Variants in SLC6A11 observed in about 807,000 individuals in gnomAD.
SLC6A11 encodes sodium- and chloride-dependent GABA transporter 3.
Under a neutral mutation model 74.8 loss-of-function variants are expected in SLC6A11, and 25 were observed. That is an observed-to-expected ratio of 0.33 (90% CI 0.24 to 0.47). The LOEUF (loss-of-function observed/expected upper bound fraction) is 0.47, where lower values mean the gene tolerates loss of function less well. Ranked by LOEUF, SLC6A11 falls within the 20% of genes least tolerant of loss-of-function variation. The probability of loss-of-function intolerance (pLI) is 1.00; values close to 1 mark genes in which losing one functional copy is unlikely to be tolerated. For synonymous variants in SLC6A11, 330 were observed against 330.2 expected (o/e 1.00, Z 0.01); for missense variants, 574 against 837.0 (o/e 0.69, Z 3.88).
intron 8 of SLC6A11, among the ~76,000 whole-genome samples, chr3:10,922,150 GCAC>G (rs1695544416): frequency 6.6e-6 from 1 of 152,130 alleles, no homozygotes; most frequent in Non-Finnish European, 1.5e-5. Context: ...ATCAAACAGT[GCAC>G]TCAGTGCCTG....
At chr3:10,845,248 A>G (rs1694488738) in intron 5 of SLC6A11, among the ~76,000 whole-genome samples, 1 of 152,184 alleles carries the variant, frequency 6.6e-6, no homozygotes, top group South Asian at 2.1e-4. Flanking sequence ...ACACAGTGGC[A>G]TGTGTTTGAA....
chr3:10,896,990 T>C (rs1455363943), intron 6 of SLC6A11, among the ~76,000 whole-genome samples: 3 of 152,172 alleles, frequency 2.0e-5, no homozygotes, highest in Non-Finnish European at 4.4e-5. Context: ...TTCACAATCA[T>C]AGCAGAAGGT....
rs188970095 is a variant in SLC6A11 at position 10,835,999 on chromosome 3, A to G, written c.624-8215A>G. ...AGAACATTTATATCCTCTAAATAAG[A>G]GCTCTCTGCCCATTCACCATTAATC... On this transcript the variant is annotated intron_variant, in intron 4 of 13. Coordinates refer to ENST00000254488, the MANE Select transcript of SLC6A11 (RefSeq NM_014229.3). Among the ~76,000 whole-genome samples the G allele has an allele frequency of 1.6e-4, 25 of 152,350 alleles. No individual in the cohort carries two copies. The East Asian group carries it at 4.6e-3, about 28-fold the overall frequency.
intron 6 of SLC6A11, among the ~76,000 whole-genome samples, chr3:10,880,672 G>C (rs1345635657): frequency 5.3e-5 from 8 of 152,086 alleles, no homozygotes. Context: ...CTAGTCCCTT[G>C]GAGGATGAGG....
In SLC6A11 at chr3:10,937,527, G is replaced by C. The variant is rs181329806; in HGVS notation, c.1747-723G>C. Among the ~76,000 whole-genome samples, 149 of 152,338 alleles carry C rather than the reference G, an allele frequency of 9.8e-4. 10 individuals carry two copies. In the East Asian group the frequency reaches 0.019, roughly 19 times the overall value. On this transcript the variant is annotated intron_variant, in intron 13 of 13. Transcript: ENST00000254488. ...TCGGGAAATGGTTTATGCCCAGAAAGGGCCCCCCAGATCCCAGCCTGGAGT... is the reference window on the plus strand; with the variant it reads ...TCGGGAAATGGTTTATGCCCAGAAACGGCCCCCCAGATCCCAGCCTGGAGT...
At chr3:10,893,859 A>G (rs1695138538) in intron 6 of SLC6A11, among the ~76,000 whole-genome samples, 1 of 152,214 alleles carries the variant, frequency 6.6e-6, no homozygotes, top group Admixed American at 6.5e-5. Flanking sequence ...AGTTGTAGAC[A>G]TCAGTACACT....
rs548388762 is a variant in SLC6A11 at position 10,896,785 on chromosome 3, AAT to A, written c.892-15304_892-15303del. On this transcript the variant is annotated intron_variant, in intron 6 of 13. Coordinates refer to ENST00000254488, the MANE Select transcript of SLC6A11 (RefSeq NM_014229.3). Reference sequence around the variant, plus strand: ...CATGTGCTCTACAGGGTGCTCAGGAAATGGTGAGGGGGCATAGACCCACTAAC... The same window carrying A: ...CATGTGCTCTACAGGGTGCTCAGGAAGGTGAGGGGGCATAGACCCACTAAC... Among the ~76,000 whole-genome samples the A allele has an allele frequency of 6.0e-3, 920 of 152,338 alleles. 8 individuals are homozygous for A. Among genetic ancestry groups the A allele is most frequent in the African/African-American group, 0.02 (846 of 41,578 alleles).
chr3:10,884,948 C>T (rs1280668179), intron 6 of SLC6A11, among the ~76,000 whole-genome samples: 2 of 152,168 alleles, frequency 1.3e-5, no homozygotes, highest in African/African-American at 4.8e-5. Flanking sequence ...AGAGTATCTA[C>T]CAAGGTTGAG....
chr3:10,903,401 C>T (rs1695264569), intron 6 of SLC6A11, among the ~76,000 whole-genome samples: 1 of 152,202 alleles, frequency 6.6e-6, no homozygotes, highest in African/African-American at 2.4e-5. Context: ...AACTCACTGC[C>T]ACACTGAACT....
chr3:10,818,236 G>C (rs1013565432), intron 1 of SLC6A11, among the ~76,000 whole-genome samples: 1 of 150,954 alleles, frequency 6.6e-6, no homozygotes, highest in Non-Finnish European at 1.5e-5. Flanking sequence ...CAGGTCAAAA[G>C]GCTTTCTGAA....
intron 5 of SLC6A11, among the ~76,000 whole-genome samples, chr3:10,869,684 C>T (rs1372508309): frequency 1.3e-5 from 2 of 152,226 alleles, no homozygotes; most frequent in Admixed American, 6.5e-5. Context: ...CAGCGTTATC[C>T]GACTCTAAGC....
chr3:10,885,669 G>A (rs1559571494), intron 6 of SLC6A11, among the ~76,000 whole-genome samples: 1 of 151,950 alleles, frequency 6.6e-6, no homozygotes, highest in Non-Finnish European at 1.5e-5. Context: ...CCTAGGACAT[G>A]GTTCTTGCTC....
intron 10 of SLC6A11, 107 bp from the exon 11 acceptor site, chr3:10,933,044 G>C (rs752632191): frequency 7.9e-6 from 6 of 760,982 alleles, no homozygotes; most frequent in Non-Finnish European, 1.4e-5. Context: ...TCCTGGCAGT[G>C]GTAGCCACAG....
At chr3:10,909,948 T>C (rs1695364863) in intron 6 of SLC6A11, among the ~76,000 whole-genome samples, 1 of 152,184 alleles carries the variant, frequency 6.6e-6, no homozygotes, top group South Asian at 2.1e-4. Context: ...CAAATTGTAT[T>C]TACCCTTTTA....
chr3:10,895,708 A>C (rs951747527), intron 6 of SLC6A11, among the ~76,000 whole-genome samples: 1 of 151,264 alleles, frequency 6.6e-6, no homozygotes, highest in Non-Finnish European at 1.5e-5. Flanking sequence ...ACATTTATCT[A>C]TGTAAACTTT....
chr3:10,906,782 T>A (rs1695307855), intron 6 of SLC6A11, among the ~76,000 whole-genome samples: 1 of 151,690 alleles, frequency 6.6e-6, no homozygotes, highest in African/African-American at 2.4e-5. Flanking sequence ...TGGATAAGAG[T>A]GGGAGAAAAG....
intron 6 of SLC6A11, 106 bp downstream of exon 6, chr3:10,875,201 G>T: frequency 2.1e-6 from 2 of 959,218 alleles, no homozygotes; most frequent in East Asian, 2.8e-5. Context: ...TTGAACAGTG[G>T]AAAGCCTGTG....
chr3:10,853,747 G>C lies in SLC6A11; in HGVS notation c.756+9401G>C, dbSNP rs142198898. On this transcript the variant is annotated intron_variant, in intron 5 of 13. Transcript: ENST00000254488. The stretch of plus-strand genomic sequence containing the variant: ...TAATCTCCTGGACATAAAGTCACCT[G>C]ACCATGGATGTGAATCACATCTATG... 1.2e-3 allele frequency among the ~76,000 whole-genome samples: 176 copies of C among 152,354 alleles called. 1 individual carries two copies. The highest frequency in any genetic ancestry group is 4.1e-3 in the African/African-American group (171 of 41,588).
chr3:10,865,334 A>G (rs1198702522), intron 5 of SLC6A11, among the ~76,000 whole-genome samples: 1 of 152,196 alleles, frequency 6.6e-6, no homozygotes, highest in African/African-American at 2.4e-5. Flanking sequence ...AAATTTGGCC[A>G]TCCTGTCAGG....
Sources: gnomAD v4.1 joint callset for allele counts (sites outside exome capture counted in the v4.1 genomes callset) on GRCh38, gnomAD v4.1.1 for gene constraint, MANE v1.5 for transcripts, NCBI Gene and HGNC (gene_info 2026-07-23, HGNC 2026-07-21) for gene names.